The following PGC variants were observed in gnomAD, a reference collection of about 807,000 sequenced individuals.
The protein encoded by PGC is progastricsin, also known as gastricsin.
A neutral mutation model predicts 45.9 loss-of-function variants in PGC; 31 were observed. The observed-to-expected ratio is 0.67, with a 90% CI of 0.51 to 0.91. The LOEUF (loss-of-function observed/expected upper bound fraction) is 0.91. Ranked by LOEUF, PGC falls within the 40% of genes least tolerant of loss-of-function variation. The pLI is 0.00. For missense variants in PGC, 477 were observed against 493.2 expected (o/e 0.97, Z 0.31); for synonymous variants, 192 against 201.8 (o/e 0.95, Z 0.41).
intron 6 of PGC, 132 bp from the exon 7 acceptor site, chr6:41,740,078 A>G (rs1177331172): frequency 1.1e-5 from 8 of 737,368 alleles, no homozygotes; most frequent in Non-Finnish European, 1.8e-5. Flanking sequence ...GCAAAGATCA[A>G]TCCGGCTATT....
chr6:41,747,062 T>C (rs1404305246), intron 1 of PGC, among the ~76,000 whole-genome samples: 1 of 152,208 alleles, frequency 6.6e-6, no homozygotes, highest in African/African-American at 2.4e-5. Flanking sequence ...GAAGGGATCG[T>C]GCTTTTCCCT....
intron 5 of PGC, among the ~76,000 whole-genome samples, chr6:41,741,602 C>T (rs980771476): frequency 6.6e-6 from 1 of 152,132 alleles, no homozygotes; most frequent in Non-Finnish European, 1.5e-5. Context: ...GCCGAGATTG[C>T]GCCACTGCAC....
chr6:41,744,688 G>C lies in PGC; in HGVS notation c.180C>G (p.Ser60Arg). The C allele has an allele frequency of 6.2e-6, 10 of 1,614,144 alleles. No homozygotes were observed. The highest frequency in any genetic ancestry group is 8.5e-6 in the Non-Finnish European group (10 of 1,179,998). ...TGTAGGCCATGGGCTCGTAGGTCACGCTGAGGTCACCAAAGCGGTACTTCC... is the reference window on the plus strand; with the variant it reads ...TGTAGGCCATGGGCTCGTAGGTCACCCTGAGGTCACCAAAGCGGTACTTCC... ...PAWKYRFGDL[S>R]VTYEPMAYMD... Residue 60 changes from serine (S) to arginine (R), a missense_variant, in exon 2 of 9, where the codon AGC becomes AGG. Ser to Arg is a moderately radical substitution (Grantham distance 110, BLOSUM62 -1). Coordinates refer to ENST00000373025, the MANE Select transcript of PGC (RefSeq NM_002630.4). This position sits in a 1 kb window ranked among gnomAD's most constrained non-coding sequence, Gnocchi z 4.4.
Position 41,744,828 on chromosome 6 carries a change from G to A in PGC, c.60-20C>T, listed in dbSNP as rs769516171. 4 of 1,609,644 alleles carry A rather than the reference G, an allele frequency of 2.5e-6. No homozygotes were observed. The highest frequency in any genetic ancestry group is 1.1e-5 in the South Asian group (1 of 90,442). On this transcript the variant is annotated intron_variant, in intron 1 of 8. Transcript: ENST00000373025. This position sits in a 1 kb window ranked among gnomAD's most constrained non-coding sequence, Gnocchi z 4.4. Reference sequence around the variant, plus strand: ...GGCACTCTACAGAAAGGTTGCATATGAGGCAAGGCCCTCCCTCCTTCCTCT... The same window carrying A: ...GGCACTCTACAGAAAGGTTGCATATAAGGCAAGGCCCTCCCTCCTTCCTCT...
intron 1 of PGC, 121 bp downstream of exon 1, chr6:41,747,155 C>A: frequency 1.2e-6 from 1 of 807,034 alleles, no homozygotes; most frequent in Non-Finnish European, 2.1e-6. Flanking sequence ...GGAGACTTCC[C>A]TTCCCCTAGC....
intron 5 of PGC, chr6:41,740,926 C>T (rs1316979): frequency 0.068 from 100,147 of 1,469,818 alleles, 4,035 homozygotes; most frequent in African/African-American, 0.17. Context: ...GACTGGGATG[C>T]GTCCCTTAGA....
chr6:41,742,523 T>C (rs775072522), intron 4 of PGC, 34 bp from the exon 5 acceptor site: 32 of 1,553,518 alleles, frequency 2.1e-5, no homozygotes, highest in Non-Finnish European at 2.7e-5. Flanking sequence ...AGGTGACCAG[T>C]CTGACTCCAC....
In PGC at chr6:41,737,786, T is replaced by A. The variant is rs1771715299; in HGVS notation, c.958A>T (p.Thr320Ser). ...CNSIQNLPSLTFIINGVEFPL... is the reference protein window; with the variant it reads ...CNSIQNLPSLSFIINGVEFPL... ...AACTCCACACCATTGATGATGAAGG[T>A]CAAGCTGGGCAGATTCTGAATGCTG... Residue 320 changes from threonine (T) to serine (S), a missense_variant, in exon 8 of 9, where the codon ACC becomes TCC. Thr to Ser is a moderately conservative substitution (Grantham distance 58, BLOSUM62 1). Coordinates refer to ENST00000373025, the MANE Select transcript of PGC (RefSeq NM_002630.4). 46 of 1,612,738 alleles carry A rather than the reference T, an allele frequency of 2.9e-5. No homozygotes were observed. Among genetic ancestry groups the A allele is most frequent in the Non-Finnish European group, 3.9e-5 (46 of 1,178,978 alleles).
intron 5 of PGC, chr6:41,741,178 G>C: frequency 9.8e-6 from 15 of 1,533,254 alleles, no homozygotes. Flanking sequence ...TTCCATGTTT[G>C]TTCCAGAGGC....
Position 41,740,548 on chromosome 6 carries a change from C to A in PGC, c.710G>T (p.Gly237Val). The A allele has an allele frequency of 6.2e-7, 1 of 1,611,226 alleles. No homozygotes were observed. The highest frequency in any genetic ancestry group is 8.5e-7 in the Non-Finnish European group (1 of 1,178,622). ...FGGVDSSLYTGQIYWAPVTQE... is the reference protein window; with the variant it reads ...FGGVDSSLYTVQIYWAPVTQE... ...GGTGACAGGCGCCCAGTAGATCTGC[C>A]CCGTGTACAGGCTGCTATCCACACC... The change falls in exon 6 of 9, where the codon GGG becomes GTG. Residue 237 changes from glycine (G) to valine (V), a missense_variant. Coordinates refer to ENST00000373025, the MANE Select transcript of PGC (RefSeq NM_002630.4).
At chr6:41,745,016 C>T (rs6909468) in intron 1 of PGC, among the ~76,000 whole-genome samples, 19,059 of 97,288 alleles carry the variant, frequency 0.2, 1,926 homozygotes, top group African/African-American at 0.37. Flanking sequence ...TGTGTGTGTG[C>T]GCGCGCGCGT....
Position 41,744,616 on chromosome 6 carries a change from A to G in PGC, c.210+42T>C. On this transcript the variant is annotated intron_variant, in intron 2 of 8. Transcript: ENST00000373025. The surrounding 1 kb of genome is among the most constrained non-coding windows in gnomAD (Gnocchi z 4.4). ...GGGACCTGCCCCTTCCCTCCAGCCC[A>G]CACCAGAGAGAAGGCTACCGCCAGA... 1 of 1,609,490 alleles carries G rather than the reference A, an allele frequency of 6.2e-7. No homozygotes were observed. Among genetic ancestry groups the G allele is most frequent in the South Asian group, 1.1e-5 (1 of 90,812 alleles).
At chr6:41,743,127 T>G (rs971144015) in intron 4 of PGC, 144 bp downstream of exon 4, 1 of 693,504 alleles carries the variant, frequency 1.4e-6, no homozygotes, top group Non-Finnish European at 2.7e-6. Context: ...GTTGGGGGAG[T>G]GACTGAATGG....
At chr6:41,737,849 TGGTTA>T (rs2127286913) in intron 7 of PGC, 21 bp from the exon 8 acceptor site, 1 of 1,450,544 alleles carries the variant, frequency 6.9e-7, no homozygotes, top group Non-Finnish European at 9.7e-7. Context: ...AATAGGTCCC[TGGTTA>T]ACTCATCCTC....
At chr6:41,741,348 G>C (rs978560824) in intron 5 of PGC, 114 of 943,288 alleles carry the variant, frequency 1.2e-4, no homozygotes, top group Non-Finnish European at 7.1e-5. Context: ...ACTGTCTCTA[G>C]AAAGTGGCTG....
At chr6:41,741,028 C>T (rs1364788543) in intron 5 of PGC, 3 of 1,536,696 alleles carry the variant, frequency 2.0e-6, no homozygotes, top group Admixed American at 2.0e-5. Flanking sequence ...GTTGGGACCC[C>T]CAGCCCACAC....
rs755261343 is a variant in PGC at position 41,744,790 on chromosome 6, A to C, written c.78T>G (p.Phe26Leu). 2 of 1,613,884 alleles carry C rather than the reference A, an allele frequency of 1.2e-6. No homozygotes were observed. Among genetic ancestry groups the C allele is most frequent in the African/African-American group, 2.7e-5 (2 of 74,904 alleles). ...AAVVKVPLKK[F>L]KSIRETMKEK... ...CCTTCATGGTCTCACGGATAGACTT[A>C]AATTTCTTCAGGGGCACTCTACAGA... is the stretch of plus-strand genomic sequence containing the variant. Residue 26 changes from phenylalanine (F) to leucine (L), a missense_variant, in exon 2 of 9, where the codon TTT (phenylalanine) becomes TTG (leucine). By Grantham distance (22) the Phe-to-Leu change is conservative. Transcript: ENST00000373025. This position sits in a 1 kb window ranked among gnomAD's most constrained non-coding sequence, Gnocchi z 4.4.
chr6:41,743,251 C>A lies in PGC; in HGVS notation c.447+20G>T. On this transcript the variant is annotated intron_variant, in intron 4 of 8. Transcript: ENST00000373025. Reference sequence around the variant, plus strand: ...GCTTATAGCTCACAGCCCCAGCCTCCACTCCCCATGCCCACTCACAGTCAG... The same window carrying A: ...GCTTATAGCTCACAGCCCCAGCCTCAACTCCCCATGCCCACTCACAGTCAG... 2 of 1,432,610 alleles carry A rather than the reference C, an allele frequency of 1.4e-6. No individual in the cohort carries two copies. Among genetic ancestry groups the A allele is most frequent in the South Asian group, 2.3e-5 (2 of 87,456 alleles). 88.7% of individuals were successfully genotyped at this position (1,432,610 alleles called of 1,614,324 possible). A position where few individuals can be genotyped will look rare whatever the true frequency, so the allele number is the denominator to read the frequency against.
rs1771743599 is a variant in PGC at position 41,738,205 on chromosome 6, T to TATATATACATATATATATAC, written c.916-378_916-377insGTATATATATATGTATATAT. On this transcript the variant is annotated intron_variant, in intron 7 of 8. Coordinates refer to ENST00000373025, the MANE Select transcript of PGC (RefSeq NM_002630.4). ...ATATATATATGCATATATATATGCA[T>TATATATACATATATATATAC]ATATATATGCATATATATATGCATA... Among the ~76,000 whole-genome samples, 30 of 63,374 alleles carry TATATATACATATATATATAC rather than the reference T, an allele frequency of 4.7e-4. 3 individuals are homozygous for TATATATACATATATATATAC. The highest frequency in any genetic ancestry group is 1.1e-3 in the South Asian group (2 of 1,892). The allele number at this position is 63,374 out of a possible 152,430, so 41.6% of individuals were successfully genotyped here.
Sources: allele counts gnomAD v4.1 joint callset (sites outside exome capture counted in the v4.1 genomes callset), GRCh38; gene constraint gnomAD v4.1.1; non-coding constraint Gnocchi (gnomAD v3.1); transcripts MANE v1.5; gene names NCBI Gene and HGNC (gene_info 2026-07-23, HGNC 2026-07-21).